Variants in NCOA2 observed in about 807,000 individuals in gnomAD.
NCOA2 encodes the protein class E basic helix-loop-helix protein 75.
Under a neutral mutation model 145.1 loss-of-function variants are expected in NCOA2, and 21 were observed. The observed-to-expected ratio is 0.14, with a 90% CI of 0.10 to 0.21. NCOA2 has a LOEUF of 0.21. NCOA2 is among the 10% of genes least tolerant of loss of function. The pLI is 1.00. For missense variants in NCOA2, 1,472 were observed against 1,837.6 expected (o/e 0.80, Z 3.64); for synonymous variants, 619 against 637.5 (o/e 0.97, Z 0.44).
intron 2 of NCOA2, among the ~76,000 whole-genome samples, chr8:70,295,961 A>G (rs1290801980): frequency 6.6e-6 from 1 of 152,188 alleles, no homozygotes; most frequent in Non-Finnish European, 1.5e-5. Context: ...AAAAAATGAA[A>G]TAAGCTTAAT....
At chr8:70,424,020 T>A in the NCOA2 span, 4 of 154,936 alleles carry the variant, frequency 2.6e-5, no homozygotes, top group African/African-American at 9.6e-5. Flanking sequence ...CCAGAGGATA[T>A]ACAAATGAAT....
Position 70,113,318 on chromosome 8 carries a change from C to G in NCOA2, c.*314G>C. 3 of 466,092 alleles carry G rather than the reference C, an allele frequency of 6.4e-6. No homozygotes were observed. The highest frequency in any genetic ancestry group is 1.2e-5 in the Non-Finnish European group (3 of 259,476). The allele number at this position is 466,092 out of a possible 1,614,324, so 28.9% of individuals were successfully genotyped here. On this transcript the variant is annotated 3_prime_UTR_variant, in exon 23 of 23. Transcript: ENST00000452400. ...TTAAATACATACATTTAAATACATTCAATCTGACATGGGTATGAAATTTGC... is the reference window on the plus strand; with the variant it reads ...TTAAATACATACATTTAAATACATTGAATCTGACATGGGTATGAAATTTGC...
intron 1 of NCOA2, among the ~76,000 whole-genome samples, chr8:70,330,195 A>AATG (rs1176956362): frequency 8.0e-5 from 11 of 137,440 alleles, no homozygotes; most frequent in East Asian, 7.4e-4. Context: ...ACACTCAATA[A>AATG]ATGATGATGA....
Position 70,156,470 on chromosome 8 carries a change from A to T in NCOA2, c.1895T>A (p.Leu632Gln). The T allele has an allele frequency of 6.2e-7, 1 of 1,613,932 alleles. No homozygotes were observed. Among genetic ancestry groups the T allele is most frequent in the Non-Finnish European group, 8.5e-7 (1 of 1,179,884 alleles). Residue 632 changes from leucine (L) to glutamine (Q), a missense_variant, in exon 11 of 23, where the codon CTG becomes CAG. This residue lies in a region of NCOA2 where 953 missense variants were observed against 1,062.1 expected (regional missense o/e 0.90). Transcript: ENST00000452400. ...SSERADGQSR[L>Q]HDSKGQTKLL... ...TTTGGTCTGCCCTTTGCTGTCATGC[A>T]GTCTGCTCTGCCCGTCAGCTCTCTC... is the stretch of plus-strand genomic sequence containing the variant.
At position 70,256,215 on chromosome 8, in the gene NCOA2, G is replaced by A. The variant is rs554748963; in HGVS notation, c.-19-39451C>T. Among the ~76,000 whole-genome samples, 314 of 152,260 alleles carry A rather than the reference G, an allele frequency of 2.1e-3. 6 individuals carry two copies. The highest frequency in any genetic ancestry group is 2.5e-3 in the Non-Finnish European group (171 of 68,008). On this transcript the variant is annotated intron_variant, in intron 2 of 22. Coordinates refer to ENST00000452400, the MANE Select transcript of NCOA2 (RefSeq NM_006540.4). ...CTCTCATTTTGCTGCTTCCTCCCAG[G>A]TTTCTACTCAAACTACATTCCTAAC...
At chr8:70,234,981 A>C (rs1821469220) in intron 2 of NCOA2, among the ~76,000 whole-genome samples, 1 of 152,190 alleles carries the variant, frequency 6.6e-6, no homozygotes, top group Non-Finnish European at 1.5e-5. Context: ...CCACACCCAA[A>C]AGATGTGAAC....
At chr8:70,412,226 A>C in the NCOA2 span, among the ~76,000 whole-genome samples, 1 of 152,088 alleles carries the variant, frequency 6.6e-6, no homozygotes, top group African/African-American at 2.4e-5. Context: ...GTGAGCTATG[A>C]TCACACCACT....
chr8:70,448,588 TG>T, the NCOA2 span, among the ~76,000 whole-genome samples: 1 of 152,206 alleles, frequency 6.6e-6, no homozygotes, highest in Non-Finnish European at 1.5e-5. Context: ...AAAAGTATGA[TG>T]TTTTTGAAAT....
chr8:70,281,531 T>C (rs1402062107), intron 2 of NCOA2, among the ~76,000 whole-genome samples: 5 of 151,978 alleles, frequency 3.3e-5, no homozygotes, highest in Admixed American at 3.3e-4. Context: ...GTGAATTAAG[T>C]ACAAGTGGCT....
chr8:70,241,110 G>A (rs746865154), intron 2 of NCOA2, among the ~76,000 whole-genome samples: 2 of 152,058 alleles, frequency 1.3e-5, no homozygotes, highest in Non-Finnish European at 2.9e-5. Flanking sequence ...CCTGGTATCT[G>A]TAAACAAGGA....
At chr8:70,239,004 T>C (rs1821890170) in intron 2 of NCOA2, among the ~76,000 whole-genome samples, 1 of 152,198 alleles carries the variant, frequency 6.6e-6, no homozygotes, top group Non-Finnish European at 1.5e-5. Flanking sequence ...TTTCTCTTAC[T>C]TTGGTGTGTT....
At chr8:70,264,848 A>C (rs1389465418) in intron 2 of NCOA2, among the ~76,000 whole-genome samples, 3 of 152,152 alleles carry the variant, frequency 2.0e-5, no homozygotes, top group African/African-American at 7.2e-5. Flanking sequence ...AAAAACCCAT[A>C]ATGTTATAGG....
chr8:70,382,483 T>C (rs982707515), intron 1 of NCOA2, among the ~76,000 whole-genome samples: 1 of 152,196 alleles, frequency 6.6e-6, no homozygotes, highest in African/African-American at 2.4e-5. Flanking sequence ...GAAAGACTAA[T>C]ATTCCATGTT....
chr8:70,409,532 A>T, the NCOA2 span, among the ~76,000 whole-genome samples: 1 of 152,244 alleles, frequency 6.6e-6, no homozygotes, highest in Non-Finnish European at 1.5e-5. Flanking sequence ...CATACACAAG[A>T]ATGAATTCAA....
chr8:70,202,309 C>A (rs1409597908), intron 4 of NCOA2, among the ~76,000 whole-genome samples: 1 of 152,048 alleles, frequency 6.6e-6, no homozygotes, highest in African/African-American at 2.4e-5. Flanking sequence ...GCAGAATTAC[C>A]ATGTATAAGC....
chr8:70,172,579 A>G (rs1814375794), intron 5 of NCOA2, among the ~76,000 whole-genome samples: 1 of 152,222 alleles, frequency 6.6e-6, no homozygotes, highest in African/African-American at 2.4e-5. Context: ...AAGCAAGACT[A>G]TATGTAAATA....
At chr8:70,390,611 A>G (rs1813108931) in intron 1 of NCOA2, among the ~76,000 whole-genome samples, 2 of 151,956 alleles carry the variant, frequency 1.3e-5, no homozygotes, top group Admixed American at 6.6e-5. Context: ...GAGAAAAAAA[A>G]AAAAAATTAG....
chr8:70,138,902 T>A (rs545953756), intron 14 of NCOA2, among the ~76,000 whole-genome samples: 1 of 152,276 alleles, frequency 6.6e-6, no homozygotes, highest in African/African-American at 2.4e-5. Flanking sequence ...AACTCTACCA[T>A]AACGCTTGGG....
intron 19 of NCOA2, among the ~76,000 whole-genome samples, chr8:70,125,564 TA>T (rs1466906997): frequency 1.3e-5 from 2 of 152,192 alleles, no homozygotes; most frequent in Non-Finnish European, 2.9e-5. Context: ...CCAGATTGTT[TA>T]AATTAAATTT....
Sources: allele counts gnomAD v4.1 joint callset (sites outside exome capture counted in the v4.1 genomes callset), GRCh38; gene constraint gnomAD v4.1.1; regional missense constraint gnomAD v4.1.1; transcripts MANE v1.5; gene names NCBI Gene and HGNC (gene_info 2026-07-23, HGNC 2026-07-21).